ZNRF1: variants seen among roughly 807,000 people sequenced by gnomAD.
ZNRF1 encodes the protein zinc and ring finger 1, also known as E3 ubiquitin-protein ligase ZNRF1.
Under a neutral mutation model 18.4 loss-of-function variants are expected in ZNRF1, and 3 were observed. The observed-to-expected ratio is 0.16, with a 90% CI of 0.07 to 0.42. ZNRF1 has a LOEUF of 0.42. Among genes scored for constraint, ZNRF1 ranks in the 10% least tolerant of loss-of-function variants. ZNRF1 has a pLI of 0.99. For synonymous variants in ZNRF1, 157 were observed against 144.2 expected, an observed-to-expected ratio of 1.09 and a Z score of -0.64; for missense variants, 310 against 329.8, an observed-to-expected ratio of 0.94 and a Z score of 0.47.
chr16:75,005,979 A>T (rs2034912292), intron 1 of ZNRF1, among the ~76,000 whole-genome samples: 1 of 152,180 alleles, frequency 6.6e-6, no homozygotes, highest in African/African-American at 2.4e-5. Flanking sequence ...CTAGGCTACA[A>T]ACCTGTGCAA....
Position 75,109,050 on chromosome 16 carries a change from C to T in ZNRF1, c.*1350C>T, listed in dbSNP as rs751578247. ...TCTTCCAGGTGTGGGCCCAGCCCCCCTCCTTCCAGCCTTTGCTCCCCATCC... is the reference window on the plus strand; with the variant it reads ...TCTTCCAGGTGTGGGCCCAGCCCCCTTCCTTCCAGCCTTTGCTCCCCATCC... On this transcript the variant is annotated 3_prime_UTR_variant, in exon 5 of 5. Coordinates refer to ENST00000335325, the MANE Select transcript of ZNRF1 (RefSeq NM_032268.5). 6.5e-6 allele frequency: 1 copy of T among 153,308 alleles called. No individual in the cohort carries two copies. The allele number at this position is 153,308 out of a possible 1,614,324, so 9.5% of individuals were successfully genotyped here. A position where few individuals can be genotyped will look rare whatever the true frequency, so the allele number is the denominator to read the frequency against.
chr16:75,092,682 T>A (rs2036153615), intron 1 of ZNRF1, among the ~76,000 whole-genome samples: 2 of 152,206 alleles, frequency 1.3e-5, no homozygotes, highest in Non-Finnish European at 2.9e-5. Context: ...GGTACAATTC[T>A]GTATCAGTTG....
intron 1 of ZNRF1, among the ~76,000 whole-genome samples, chr16:75,028,514 C>T (rs538936537): frequency 3.2e-4 from 48 of 152,338 alleles, no homozygotes; most frequent in African/African-American, 7.5e-4. Context: ...AGGCTAGTCT[C>T]GAACTTCTGA....
chr16:75,079,278 A>G (rs2035981325), intron 1 of ZNRF1, among the ~76,000 whole-genome samples: 1 of 152,078 alleles, frequency 6.6e-6, no homozygotes, highest in African/African-American at 2.4e-5. Context: ...TCAAAAGATC[A>G]AGACCATCCT....
rs192521105 is a variant in ZNRF1 at position 75,059,824 on chromosome 16, C to T, written c.425-33748C>T. 2.2e-4 allele frequency among the ~76,000 whole-genome samples: 33 copies of T among 152,256 alleles called. 2 individuals are homozygous for T. Among genetic ancestry groups the T allele is most frequent in the South Asian group, 1.2e-3 (6 of 4,810 alleles). ...GACCGCTCCTTTCTCTCCTTCAGGC[C>T]GGCTTTGTTTCATTTGACCCTTGAA... On this transcript the variant is annotated intron_variant, in intron 1 of 4. Coordinates refer to ENST00000335325, the MANE Select transcript of ZNRF1 (RefSeq NM_032268.5).
intron 1 of ZNRF1, among the ~76,000 whole-genome samples, chr16:75,020,838 G>A (rs187318295): frequency 5.1e-4 from 78 of 152,078 alleles, no homozygotes; most frequent in Admixed American, 4.7e-3. Context: ...CACCGCGCCC[G>A]GCCCCTTCAG....
intron 1 of ZNRF1, among the ~76,000 whole-genome samples, chr16:75,077,166 G>A (rs987903908): frequency 1.3e-4 from 20 of 152,174 alleles, no homozygotes; most frequent in Non-Finnish European, 2.6e-4. Context: ...GCCAAGGTGG[G>A]CGGACCACGA....
At chr16:75,061,814 A>T (rs1353120980) in intron 1 of ZNRF1, among the ~76,000 whole-genome samples, 6 of 152,186 alleles carry the variant, frequency 3.9e-5, no homozygotes, top group Non-Finnish European at 5.9e-5. Context: ...TCTTGTCAGC[A>T]GCTTGGTTTA....
intron 1 of ZNRF1, among the ~76,000 whole-genome samples, chr16:75,058,014 A>G (rs1462873773): frequency 6.6e-6 from 1 of 152,094 alleles, no homozygotes; most frequent in Non-Finnish European, 1.5e-5. Context: ...AAACCTTCTC[A>G]ACAAATATGA....
chr16:75,058,397 C>CTT (rs1279992209), intron 1 of ZNRF1, among the ~76,000 whole-genome samples: 1 of 152,150 alleles, frequency 6.6e-6, no homozygotes, highest in African/African-American at 2.4e-5. Flanking sequence ...AAGGAGCACT[C>CTT]TAAGAATAAC....
intron 1 of ZNRF1, among the ~76,000 whole-genome samples, chr16:75,028,483 T>G (rs566608473): frequency 1.3e-5 from 2 of 152,316 alleles, no homozygotes; most frequent in East Asian, 3.9e-4. Flanking sequence ...TTAGTAGAGA[T>G]GGGGTTTCAC....
intron 2 of ZNRF1, chr16:75,095,452 G>A: frequency 1.0e-5 from 8 of 774,408 alleles, no homozygotes; most frequent in Admixed American, 6.2e-5. Context: ...AGGGAGAGGA[G>A]CCTTCCCTGC....
intron 1 of ZNRF1, among the ~76,000 whole-genome samples, chr16:75,049,837 G>T (rs1420041504): frequency 9.3e-6 from 1 of 108,036 alleles, no homozygotes; most frequent in East Asian, 3.2e-4. Context: ...ACTTTCACAT[G>T]CACCCATTTG....
In ZNRF1 at chr16:75,108,520, T is replaced by G. The variant is rs911382276; in HGVS notation, c.*820T>G. On this transcript the variant is annotated 3_prime_UTR_variant, in exon 5 of 5. Coordinates refer to ENST00000335325, the MANE Select transcript of ZNRF1 (RefSeq NM_032268.5). ...CAGCTACCCCTGTTTTCAGGCACTA[T>G]GTTTGAGAACATTTTAGCCATTGAT... 1 of 398,746 alleles carries G rather than the reference T, an allele frequency of 2.5e-6. No homozygotes were observed. The highest frequency in any genetic ancestry group is 4.4e-6 in the Non-Finnish European group (1 of 226,044). The allele number at this position is 398,746 out of a possible 1,614,324, so 24.7% of individuals were successfully genotyped here. A position where few individuals can be genotyped will look rare whatever the true frequency, so the allele number is the denominator to read the frequency against.
chr16:75,061,240 A>G (rs1323594512), intron 1 of ZNRF1, among the ~76,000 whole-genome samples: 1 of 152,170 alleles, frequency 6.6e-6, no homozygotes, highest in East Asian at 1.9e-4. Flanking sequence ...ATCAAATAGT[A>G]GGTCTTATTC....
chr16:75,030,023 A>G (rs1032200434), intron 1 of ZNRF1, among the ~76,000 whole-genome samples: 6 of 149,212 alleles, frequency 4.0e-5, no homozygotes, highest in Non-Finnish European at 8.9e-5. Flanking sequence ...AGAGAGCACC[A>G]CTGCATTCCA....
chr16:75,001,248 G>A (rs1218748364), intron 1 of ZNRF1, among the ~76,000 whole-genome samples: 1 of 152,136 alleles, frequency 6.6e-6, no homozygotes, highest in East Asian at 1.9e-4. Flanking sequence ...CTGTGAAATA[G>A]GGTTGACTTT....
rs1406678361 is a variant in ZNRF1 at position 75,108,420 on chromosome 16, A to G, written c.*720A>G. The G allele has an allele frequency of 3.0e-5, 12 of 394,588 alleles. No individual in the cohort carries two copies. Among genetic ancestry groups the G allele is most frequent in the Non-Finnish European group, 5.3e-5 (12 of 224,400 alleles). The allele number at this position is 394,588 out of a possible 1,614,324, so 24.4% of individuals were successfully genotyped here. On this transcript the variant is annotated 3_prime_UTR_variant, in exon 5 of 5. Coordinates refer to ENST00000335325, the MANE Select transcript of ZNRF1 (RefSeq NM_032268.5). ...ACAAGTGTCCTGCAAAAATGCCTGAACATTATTCTTAGGCCCTCGTGGATT... is the reference window on the plus strand; with the variant it reads ...ACAAGTGTCCTGCAAAAATGCCTGAGCATTATTCTTAGGCCCTCGTGGATT...
At chr16:75,056,929 G>A (rs112071506) in intron 1 of ZNRF1, among the ~76,000 whole-genome samples, 4 of 151,798 alleles carry the variant, frequency 2.6e-5, no homozygotes, top group African/African-American at 9.6e-5. Context: ...GAGCCACTGC[G>A]CCTGGTCAGG....
Sources: allele counts gnomAD v4.1 joint callset (sites outside exome capture counted in the v4.1 genomes callset), GRCh38; gene constraint gnomAD v4.1.1; transcripts MANE v1.5; gene names NCBI Gene and HGNC (gene_info 2026-07-23, HGNC 2026-07-21).